The following SLAMF9 variants were observed in gnomAD, a reference collection of about 807,000 sequenced individuals.
The protein encoded by SLAMF9 is CD2 family member 10.
In SLAMF9, 25 loss-of-function variants were observed where a neutral mutation model predicts 30.4. The ratio of observed to expected loss-of-function variants is 0.82; its 90% CI spans 0.60 to 1.15. The LOEUF is 1.15. Among genes scored for constraint, SLAMF9 ranks in the 50% most tolerant of loss-of-function variants. The probability of loss-of-function intolerance (pLI) is 0.00; values close to 1 mark genes in which losing one functional copy is unlikely to be tolerated. For synonymous variants in SLAMF9, 129 were observed against 127.2 expected (o/e 1.01, Z -0.09); for missense variants, 344 against 346.1 (o/e 0.99, Z 0.05).
the SLAMF9 span, among the ~76,000 whole-genome samples, chr1:159,964,741 A>C: frequency 2.0e-5 from 3 of 152,228 alleles, no homozygotes; most frequent in African/African-American, 7.2e-5. Context: ...TTGATTAAAC[A>C]AATTTGAGAA....
rs751918783 is a variant in SLAMF9 at position 159,951,847 on chromosome 1, C to G, written c.684G>C (p.Glu228Asp). 4.3e-6 allele frequency: 7 copies of G among 1,613,984 alleles called. No individual in the cohort carries two copies. Among genetic ancestry groups the G allele is most frequent in the Non-Finnish European group, 5.9e-6 (7 of 1,180,032 alleles). Residue 228 changes from glutamate (E) to aspartate (D), a missense_variant, in exon 4 of 4, where the codon GAG (glutamate) becomes GAC (aspartate). Transcript: ENST00000368093. ...GGAGGCAGAAGGCTGTTGAAGGCTT[C>G]TCAGAAGCATAGTTAGGATCTGGGG... ...PFYADPNYAS[E>D]KPSTAFCLLA...
At chr1:159,957,211 G>A (rs1651941998), upstream of SLAMF9, among the ~76,000 whole-genome samples, 1 of 151,752 alleles carries the variant, frequency 6.6e-6, no homozygotes, top group Non-Finnish European at 1.5e-5. Context: ...GGGAGGGGTG[G>A]GGATTGGAGA....
the SLAMF9 span, among the ~76,000 whole-genome samples, chr1:159,961,607 T>C: frequency 1.3e-5 from 2 of 152,172 alleles, no homozygotes; most frequent in South Asian, 4.2e-4. Flanking sequence ...ACTGTAAGCG[T>C]CTGCAAATTG....
At chr1:159,956,614 C>T (rs777884773), upstream of SLAMF9, among the ~76,000 whole-genome samples, 4 of 152,080 alleles carry the variant, frequency 2.6e-5, no homozygotes, top group Non-Finnish European at 5.9e-5. Flanking sequence ...TTGACACCTC[C>T]CCATCCTCCT....
chr1:159,976,516 A>G, the SLAMF9 span: 1 of 152,234 alleles, frequency 6.6e-6, no homozygotes, highest in Non-Finnish European at 1.5e-5. Context: ...GTGAGGGAGA[A>G]ACAATTTTCA....
intron 1 of SLAMF9, 42 bp from the exon 2 acceptor site, chr1:159,953,695 C>T (rs1434548139): frequency 6.5e-7 from 1 of 1,534,234 alleles, no homozygotes. Flanking sequence ...CAGCTGCTGT[C>T]TCTGGGCTGC....
At chr1:159,960,008 C>T in the SLAMF9 span, among the ~76,000 whole-genome samples, 1 of 149,026 alleles carries the variant, frequency 6.7e-6, no homozygotes, top group Non-Finnish European at 1.5e-5. Context: ...CACCTGACTT[C>T]TTTATATATA....
upstream of SLAMF9, among the ~76,000 whole-genome samples, chr1:159,956,054 C>T (rs114615710): frequency 0.014 from 2,194 of 152,282 alleles, 47 homozygotes; most frequent in African/African-American, 0.05. Flanking sequence ...CTGCACTCCA[C>T]GCTTATTGCA....
the SLAMF9 span, among the ~76,000 whole-genome samples, chr1:159,982,381 C>T: frequency 1.3e-5 from 2 of 152,112 alleles, no homozygotes; most frequent in Non-Finnish European, 2.9e-5. Flanking sequence ...CTTTTTGGAA[C>T]ATCTTTCTCC....
At chr1:159,978,183 C>G in the SLAMF9 span, among the ~76,000 whole-genome samples, 1 of 152,102 alleles carries the variant, frequency 6.6e-6, no homozygotes, top group African/African-American at 2.4e-5. Context: ...CCCCTCCCCA[C>G]TTCAGGAGGA....
At chr1:159,954,071 C>T (rs201908862) in intron 1 of SLAMF9, 21 bp downstream of exon 1, 96 of 1,613,794 alleles carry the variant, frequency 5.9e-5, no homozygotes, top group Admixed American at 6.7e-5. Context: ...TTCCTGTGCA[C>T]GAGCTGGCAG....
the SLAMF9 span, among the ~76,000 whole-genome samples, chr1:159,977,628 G>A: frequency 3.3e-5 from 5 of 152,324 alleles, no homozygotes; most frequent in South Asian, 6.2e-4. Context: ...AAAGAAAAGC[G>A]GAACGTGACC....
upstream of SLAMF9, among the ~76,000 whole-genome samples, chr1:159,958,129 T>C (rs75306666): frequency 0.027 from 4,134 of 152,324 alleles, 82 homozygotes; most frequent in Middle Eastern, 0.044. Context: ...GTGCCAGGAC[T>C]CTTGCTGTGC....
the SLAMF9 span, among the ~76,000 whole-genome samples, chr1:159,975,758 T>A: frequency 6.6e-6 from 1 of 152,048 alleles, no homozygotes; most frequent in Non-Finnish European, 1.5e-5. Context: ...AGAGTGACAC[T>A]AAGGAGGCAG....
chr1:159,968,848 C>T, the SLAMF9 span, among the ~76,000 whole-genome samples: 5 of 152,042 alleles, frequency 3.3e-5, no homozygotes, highest in Admixed American at 6.5e-5. Flanking sequence ...GTCAGGAGTT[C>T]GAAACCAGCC....
rs557558805 is a variant in SLAMF9, at chr1:159,954,091, C to T, written c.46+1G>A. The stretch of plus-strand genomic sequence containing the variant: ...GTGCACGAGCTGGCAGCTTCACTCA[C>T]CCTCCTGGAGCAGCAGGAGAAGAAG... On this transcript the variant is annotated splice_donor_variant, in intron 1 of 3. Transcript: ENST00000368093. LOFTEE classifies it high-confidence loss of function. 3 of 1,614,020 alleles carry T rather than the reference C, an allele frequency of 1.9e-6. No homozygotes were observed. Among genetic ancestry groups the T allele is most frequent in the African/African-American group, 2.7e-5 (2 of 75,016 alleles).
At chr1:159,981,560 A>G in the SLAMF9 span, among the ~76,000 whole-genome samples, 1 of 152,208 alleles carries the variant, frequency 6.6e-6, no homozygotes, top group African/African-American at 2.4e-5. Flanking sequence ...CAAACAAGGC[A>G]AGCTCCTCTT....
At chr1:159,960,738 G>A in the SLAMF9 span, among the ~76,000 whole-genome samples, 4 of 121,114 alleles carry the variant, frequency 3.3e-5, no homozygotes, top group African/African-American at 7.0e-5. Context: ...ACAGGCATGA[G>A]TCACTGCCCC....
upstream of SLAMF9, among the ~76,000 whole-genome samples, chr1:159,958,159 G>A (rs1207168552): frequency 6.6e-6 from 1 of 152,228 alleles, no homozygotes; most frequent in Non-Finnish European, 1.5e-5. Flanking sequence ...GGCTGGGGCT[G>A]CCGGGAACAG....
Sources: gnomAD v4.1 joint callset for allele counts (sites outside exome capture counted in the v4.1 genomes callset) on GRCh38, gnomAD v4.1.1 for gene constraint, MANE v1.5 for transcripts, NCBI Gene and HGNC (gene_info 2026-07-23, HGNC 2026-07-21) for gene names.